The following RAB2A variants were observed in gnomAD, a reference collection of about 807,000 sequenced individuals.
The protein encoded by RAB2A is RAB2A, member RAS oncogene family, also known as ras-related protein Rab-2A.
Under a neutral mutation model 32.5 loss-of-function variants are expected in RAB2A, and 7 were observed. That is an observed-to-expected ratio of 0.22 (90% confidence interval 0.12 to 0.40). RAB2A has a LOEUF of 0.40. Ranked by LOEUF, RAB2A falls within the 10% of genes least tolerant of loss-of-function variation. RAB2A has a pLI of 1.00. For missense variants in RAB2A, 108 were observed against 260.7 expected (o/e 0.41, Z 4.03); for synonymous variants, 79 against 85.2 (o/e 0.93, Z 0.40).
chr8:60,523,156 T>C (rs1331672758), intron 1 of RAB2A, among the ~76,000 whole-genome samples: 4 of 120,098 alleles, frequency 3.3e-5, no homozygotes, highest in Non-Finnish European at 6.6e-5. Context: ...GACTCCACAT[T>C]CTTTTTCTTT....
chr8:60,539,136 A>T (rs934515199), intron 1 of RAB2A, among the ~76,000 whole-genome samples: 1 of 152,216 alleles, frequency 6.6e-6, no homozygotes, highest in African/African-American at 2.4e-5. Context: ...TTCCCTGAGC[A>T]TCTGCTTTTA....
chr8:60,589,288 C>T (rs1365660057), intron 5 of RAB2A, among the ~76,000 whole-genome samples: 2 of 152,210 alleles, frequency 1.3e-5, no homozygotes, highest in East Asian at 1.9e-4. Flanking sequence ...AGTATGTAAA[C>T]GAGATGTTTC....
intron 5 of RAB2A, among the ~76,000 whole-genome samples, chr8:60,590,178 C>G (rs1380990446): frequency 1.3e-5 from 2 of 152,170 alleles, no homozygotes; most frequent in African/African-American, 4.8e-5. Context: ...CCAGGCTGGT[C>G]TTGAACTCCT....
intron 6 of RAB2A, among the ~76,000 whole-genome samples, chr8:60,612,917 C>G (rs961173340): frequency 3.9e-5 from 6 of 152,126 alleles, no homozygotes; most frequent in African/African-American, 1.2e-4. Flanking sequence ...GCAGAATTGC[C>G]TTGAAATACA....
chr8:60,530,465 A>G (rs1332842634), intron 1 of RAB2A, among the ~76,000 whole-genome samples: 1 of 151,192 alleles, frequency 6.6e-6, no homozygotes, highest in Non-Finnish European at 1.5e-5. Flanking sequence ...TGATTTTTAA[A>G]TTTTCTGCAG....
At chr8:60,605,289 A>G (rs535076343) in intron 6 of RAB2A, among the ~76,000 whole-genome samples, 93 of 152,308 alleles carry the variant, frequency 6.1e-4, no homozygotes, top group African/African-American at 2.1e-3. Flanking sequence ...GAATGTATGG[A>G]AAACTTTGGA....
chr8:60,521,543 G>A (rs973403953), intron 1 of RAB2A, among the ~76,000 whole-genome samples: 9 of 152,172 alleles, frequency 5.9e-5, no homozygotes, highest in Non-Finnish European at 1.2e-4. Flanking sequence ...CCTCCTGATT[G>A]GCGTAGGGGC....
At chr8:60,537,210 A>G (rs779710937) in intron 1 of RAB2A, among the ~76,000 whole-genome samples, 4 of 152,150 alleles carry the variant, frequency 2.6e-5, no homozygotes, top group Non-Finnish European at 5.9e-5. Flanking sequence ...TTCTAATCGT[A>G]TAAATATTTT....
At chr8:60,559,456 T>G (rs1192260111) in intron 2 of RAB2A, among the ~76,000 whole-genome samples, 4 of 152,216 alleles carry the variant, frequency 2.6e-5, no homozygotes, top group African/African-American at 9.6e-5. Flanking sequence ...CACTGGGCAT[T>G]TTGTATTTTC....
At chr8:60,550,158 C>A (rs551363246) in intron 1 of RAB2A, among the ~76,000 whole-genome samples, 1 of 152,348 alleles carries the variant, frequency 6.6e-6, no homozygotes, top group African/African-American at 2.4e-5. Flanking sequence ...TGTCCACTCT[C>A]AATCTGCTCT....
chr8:60,569,180 G>A (rs534887153), intron 2 of RAB2A, among the ~76,000 whole-genome samples: 18 of 152,294 alleles, frequency 1.2e-4, no homozygotes, highest in African/African-American at 3.6e-4. Context: ...TCAGTAATCA[G>A]CACTTGTCAA....
intron 6 of RAB2A, among the ~76,000 whole-genome samples, chr8:60,608,008 C>G (rs1165260017): frequency 1.3e-5 from 2 of 152,164 alleles, no homozygotes; most frequent in African/African-American, 4.8e-5. Flanking sequence ...TGTTCTTTTT[C>G]TCACCTGTCT....
chr8:60,560,206 G>C (rs1339995228), intron 2 of RAB2A, among the ~76,000 whole-genome samples: 4 of 152,110 alleles, frequency 2.6e-5, no homozygotes, highest in African/African-American at 9.7e-5. Flanking sequence ...TCCCATCTCA[G>C]CTTCCCAGGT....
At chr8:60,523,175 T>C (rs187526961) in intron 1 of RAB2A, among the ~76,000 whole-genome samples, 3 of 152,054 alleles carry the variant, frequency 2.0e-5, no homozygotes, top group Non-Finnish European at 2.9e-5. Context: ...TTTTTTTTTT[T>C]TCTTGAGACA....
intron 1 of RAB2A, among the ~76,000 whole-genome samples, chr8:60,521,476 T>G (rs1166630727): frequency 2.0e-5 from 3 of 152,180 alleles, no homozygotes; most frequent in Non-Finnish European, 2.9e-5. Context: ...TGAAAATAAT[T>G]ATTAATAAGT....
intron 1 of RAB2A, among the ~76,000 whole-genome samples, chr8:60,526,045 A>G (rs896296706): frequency 1.9e-4 from 24 of 126,742 alleles, no homozygotes; most frequent in African/African-American, 6.1e-4. Context: ...ATATATATAT[A>G]TATATATATA....
intron 1 of RAB2A, among the ~76,000 whole-genome samples, chr8:60,519,194 A>G (rs1324862399): frequency 6.6e-6 from 1 of 152,204 alleles, no homozygotes; most frequent in African/African-American, 2.4e-5. Flanking sequence ...CAGTTCAGCC[A>G]GTGTAGTTTA....
At chr8:60,551,826 T>A (rs1225809942) in intron 1 of RAB2A, 4 of 151,342 alleles carry the variant, frequency 2.6e-5, no homozygotes, top group Non-Finnish European at 5.9e-5. Context: ...CTTGAGTAGC[T>A]AGGACTACAA....
chr8:60,532,526 T>TC (rs1221716552), intron 1 of RAB2A, among the ~76,000 whole-genome samples: 2 of 152,118 alleles, frequency 1.3e-5, no homozygotes, highest in Non-Finnish European at 2.9e-5. Flanking sequence ...ATTTTTTTTT[T>TC]CCAAGATGAA....
Sources: allele counts gnomAD v4.1 joint callset (sites outside exome capture counted in the v4.1 genomes callset), GRCh38; gene constraint gnomAD v4.1.1; transcripts MANE v1.5; gene names NCBI Gene and HGNC (gene_info 2026-07-23, HGNC 2026-07-21).